The following MDN1 variants were observed in gnomAD, a reference collection of about 807,000 sequenced individuals.
MDN1 encodes the protein midasin AAA ATPase 1, also known as midasin.
A neutral mutation model predicts 669.2 loss-of-function variants in MDN1; 266 were observed. The ratio of observed to expected loss-of-function variants is 0.40; its 90% CI spans 0.36 to 0.44. The LOEUF is 0.44. Ranked by LOEUF, MDN1 falls within the 20% of genes least tolerant of loss-of-function variation. The pLI, the probability that MDN1 is intolerant of heterozygous loss-of-function variation, is 1.00. For missense variants in MDN1, 5,940 were observed against 6,754.0 expected (o/e 0.88, Z 4.22); for synonymous variants, 2,385 against 2,457.1 (o/e 0.97, Z 0.87).
Position 89,688,022 on chromosome 6 carries a change from C to T in MDN1, c.11355+56G>A, listed in dbSNP as rs376360704. 6.3e-5 allele frequency: 87 copies of T among 1,389,968 alleles called. No homozygotes were observed. In the Admixed American group the frequency reaches 1.0e-3, roughly 16 times the overall value. 86.1% of individuals were successfully genotyped at this position (1,389,968 alleles called of 1,614,324 possible). A position where few individuals can be genotyped will look rare whatever the true frequency, so the allele number is the denominator to read the frequency against. On this transcript the variant is annotated intron_variant, in intron 67 of 101. Coordinates refer to ENST00000369393, the MANE Select transcript of MDN1 (RefSeq NM_014611.3). ...GTCTAACAACAAAGGTGCCACAAGA[C>T]GTATCTTTTGCCAACTGACCACCAA...
intron 67 of MDN1, among the ~76,000 whole-genome samples, 194 bp from the exon 68 acceptor site, chr6:89,687,632 C>A (rs1812106250): frequency 6.6e-6 from 1 of 152,172 alleles, no homozygotes; most frequent in South Asian, 2.1e-4. Flanking sequence ...CCACCAGAGC[C>A]AAGTTTAGAG....
At chr6:89,667,914 A>C (rs527275283) in intron 84 of MDN1, 100 bp downstream of exon 84, 1 of 1,452,288 alleles carries the variant, frequency 6.9e-7, no homozygotes, top group East Asian at 2.3e-5. Context: ...TCACAGATTA[A>C]AAATTATTAA....
chr6:89,740,134 T>G, intron 32 of MDN1, 100 bp downstream of exon 32: 1 of 1,361,320 alleles, frequency 7.3e-7, no homozygotes, highest in Non-Finnish European at 9.9e-7. Context: ...ACTTTTTACC[T>G]AACATAAAAT....
intron 75 of MDN1, 140 bp downstream of exon 75, chr6:89,678,456 CTTA>C: frequency 1.2e-6 from 1 of 858,882 alleles, no homozygotes; most frequent in Admixed American, 2.9e-5. Context: ...GAGTGGAACT[CTTA>C]GACATCTGGA....
At chr6:89,664,210 G>A (rs1810019472) in intron 85 of MDN1, among the ~76,000 whole-genome samples, 1 of 98,860 alleles carries the variant, frequency 1.0e-5, no homozygotes, top group African/African-American at 4.1e-5. Context: ...TTCCATTAGG[G>A]ATCATCTCCT....
At chr6:89,652,627 T>A (rs1181696502) in intron 94 of MDN1, among the ~76,000 whole-genome samples, 3 of 152,222 alleles carry the variant, frequency 2.0e-5, no homozygotes, top group Non-Finnish European at 4.4e-5. Flanking sequence ...TAGCTCTTCA[T>A]AAATACAGGC....
intron 17 of MDN1, 109 bp downstream of exon 17, chr6:89,761,536 C>T (rs753903145): frequency 4.5e-4 from 295 of 660,524 alleles, no homozygotes; most frequent in Middle Eastern, 8.8e-4. Context: ...TCAAAATCTT[C>T]CCCCAAAATC....
rs1366398279 is a variant in MDN1, at chr6:89,738,315, C to A, written c.4723+11G>T. The A allele has an allele frequency of 6.2e-7, 1 of 1,613,154 alleles. No homozygotes were observed. Among genetic ancestry groups the A allele is most frequent in the South Asian group, 1.1e-5 (1 of 90,942 alleles). On this transcript the variant is annotated intron_variant, in intron 33 of 101. Coordinates refer to ENST00000369393, the MANE Select transcript of MDN1 (RefSeq NM_014611.3). Reference sequence around the variant, plus strand: ...GACCCAATACTACCATCACCACCTGCAAACTCTCACCTTTAGGATCTATTC... The same window carrying A: ...GACCCAATACTACCATCACCACCTGAAAACTCTCACCTTTAGGATCTATTC...
rs763261951 is a variant in MDN1 at position 89,710,800 on chromosome 6, G to A, written c.7652-6C>T. ...CAAATGAATTTGTATGGACTCTGTG[G>A]AGGAAGGAGAAACCAGTGTTAGACT... On this transcript the variant is annotated splice_polypyrimidine_tract_variant and splice_region_variant and intron_variant, in intron 49 of 101. Transcript: ENST00000369393. The A allele has an allele frequency of 6.5e-7, 1 of 1,548,082 alleles. No homozygotes were observed. Among genetic ancestry groups the A allele is most frequent in the Non-Finnish European group, 8.9e-7 (1 of 1,127,342 alleles).
intron 2 of MDN1, among the ~76,000 whole-genome samples, chr6:89,797,273 G>A (rs9359865): frequency 0.52 from 78,196 of 150,992 alleles, 20,554 homozygotes; most frequent in East Asian, 0.68. Context: ...AGAAGGCTGA[G>A]GCAGGAGAAT....
At chr6:89,805,027 T>G (rs1055228968) in intron 1 of MDN1, among the ~76,000 whole-genome samples, 16 of 85,878 alleles carry the variant, frequency 1.9e-4, no homozygotes, top group African/African-American at 7.7e-4. Context: ...ACAGCGAGAC[T>G]CCGTCTCAAA....
intron 27 of MDN1, among the ~76,000 whole-genome samples, chr6:89,746,649 A>AAG (rs1484525658): frequency 1.3e-5 from 2 of 151,032 alleles, no homozygotes; most frequent in African/African-American, 4.9e-5. Flanking sequence ...GAAAGAAAGA[A>AAG]AAAAAGTTTT....
Position 89,730,645 on chromosome 6 carries a change from C to T in MDN1, c.5140+81G>A. ...TGCAAATATAATCATGAGTATTACA[C>T]ATTAAAACTAAGTCACAATAAAAGC... On this transcript the variant is annotated intron_variant, in intron 35 of 101. Transcript: ENST00000369393. 1.9e-6 allele frequency: 2 copies of T among 1,064,364 alleles called. 1 individual carries two copies. The highest frequency in any genetic ancestry group is 2.7e-6 in the Non-Finnish European group (2 of 729,576). 65.9% of individuals were successfully genotyped at this position (1,064,364 alleles called of 1,614,324 possible).
intron 1 of MDN1, among the ~76,000 whole-genome samples, chr6:89,810,303 G>A (rs1449051491): frequency 2.6e-5 from 4 of 152,030 alleles, no homozygotes; most frequent in Non-Finnish European, 5.9e-5. Context: ...GGGTATGGTG[G>A]CGGGTGCCTG....
At chr6:89,670,164 ATATATATTT>A (rs1389081034) in intron 83 of MDN1, among the ~76,000 whole-genome samples, 3 of 18,272 alleles carry the variant, frequency 1.6e-4, no homozygotes, top group African/African-American at 2.5e-4. Flanking sequence ...ATATATATAT[ATATATATTT>A]TTTTTTTTTT....
At position 89,690,852 on chromosome 6, in the gene MDN1, A is replaced by G; in HGVS notation, c.10588-18T>C. 6.2e-7 allele frequency: 1 copy of G among 1,611,494 alleles called. No individual in the cohort carries two copies. The highest frequency in any genetic ancestry group is 1.1e-5 in the South Asian group (1 of 90,368). On this transcript the variant is annotated intron_variant, in intron 63 of 101. Coordinates refer to ENST00000369393, the MANE Select transcript of MDN1 (RefSeq NM_014611.3). ...ATGATTTCCTGAAAGTCACACAGAC[A>G]GAAAGAAGCTGAGCTTTCTTTGCTG... is the stretch of plus-strand genomic sequence containing the variant.
At chr6:89,736,901 C>G (rs1160488590) in intron 33 of MDN1, among the ~76,000 whole-genome samples, 1 of 152,194 alleles carries the variant, frequency 6.6e-6, no homozygotes, top group Non-Finnish European at 1.5e-5. Flanking sequence ...AGTTCTGAGG[C>G]TCTGAGCCTG....
At chr6:89,748,150 C>A (rs949114694) in intron 26 of MDN1, among the ~76,000 whole-genome samples, 12 of 152,038 alleles carry the variant, frequency 7.9e-5, no homozygotes, top group African/African-American at 2.7e-4. Context: ...TATGGTGAAA[C>A]CCCGTCTCTA....
chr6:89,772,820 A>C (rs1248775049), intron 13 of MDN1, 99 bp from the exon 14 acceptor site: 1 of 1,316,364 alleles, frequency 7.6e-7, no homozygotes, highest in Non-Finnish European at 1.0e-6. Flanking sequence ...CAAGGATGAG[A>C]AAACAGCTCA....
Sources: allele counts gnomAD v4.1 joint callset (sites outside exome capture counted in the v4.1 genomes callset), GRCh38; gene constraint gnomAD v4.1.1; transcripts MANE v1.5; gene names NCBI Gene and HGNC (gene_info 2026-07-23, HGNC 2026-07-21).